Variants in PCGF6 observed in about 807,000 individuals in gnomAD.
PCGF6 encodes polycomb group ring finger 6.
Under a neutral mutation model 45.5 loss-of-function variants are expected in PCGF6, and 24 were observed. The ratio of observed to expected loss-of-function variants is 0.53; its 90% CI spans 0.38 to 0.74. The LOEUF (loss-of-function observed/expected upper bound fraction) is 0.74. Ranked by LOEUF, PCGF6 falls within the 30% of genes least tolerant of loss-of-function variation. The pLI is 0.00. For synonymous variants in PCGF6, 152 were observed against 162.1 expected (o/e 0.94, Z 0.47); for missense variants, 356 against 443.2 (o/e 0.80, Z 1.77).
At chr10:103,317,854 G>A (rs1478628994) in intron 8 of PCGF6, among the ~76,000 whole-genome samples, 1 of 151,616 alleles carries the variant, frequency 6.6e-6, no homozygotes, top group Non-Finnish European at 1.5e-5. Context: ...CCTCTCCTGG[G>A]TTCAAGCAAT....
chr10:103,316,443 T>C (rs1415117853), intron 8 of PCGF6, among the ~76,000 whole-genome samples: 5 of 152,214 alleles, frequency 3.3e-5, no homozygotes, highest in Admixed American at 6.6e-5. Flanking sequence ...ACATGTGTTA[T>C]CTAATCCTCA....
intron 6 of PCGF6, among the ~76,000 whole-genome samples, chr10:103,340,970 C>T (rs957975662): frequency 4.6e-5 from 7 of 152,036 alleles, no homozygotes; most frequent in Admixed American, 3.9e-4. Context: ...TGGCTCACGC[C>T]TGTAATCCCA....
intron 8 of PCGF6, among the ~76,000 whole-genome samples, chr10:103,314,826 G>C (rs1227647647): frequency 2.6e-5 from 4 of 151,426 alleles, no homozygotes; most frequent in South Asian, 4.2e-4. Context: ...GGTAATCATG[G>C]TGCCTGTAAT....
intron 7 of PCGF6, among the ~76,000 whole-genome samples, chr10:103,330,379 A>G (rs1202726384): frequency 1.3e-5 from 2 of 151,992 alleles, no homozygotes; most frequent in Non-Finnish European, 2.9e-5. Flanking sequence ...CTGGACAAGC[A>G]TATATTGTTT....
intron 8 of PCGF6, among the ~76,000 whole-genome samples, chr10:103,322,817 C>T (rs2093202422): frequency 6.7e-6 from 1 of 150,122 alleles, no homozygotes; most frequent in Admixed American, 6.7e-5. Context: ...GAGCAAGACT[C>T]TGTATCACAC....
chr10:103,331,456 GCATGTTGGC>G lies in PCGF6; in HGVS notation c.810+2460_810+2468del, dbSNP rs1282565464. 2.0e-5 allele frequency among the ~76,000 whole-genome samples: 3 copies of G among 151,878 alleles called. 1 individual carries two copies. In the South Asian group the frequency reaches 6.2e-4, roughly 31 times the overall value. On this transcript the variant is annotated intron_variant, in intron 7 of 9. Coordinates refer to ENST00000369847, the MANE Select transcript of PCGF6 (RefSeq NM_001011663.2). ...TATTTTTAATAGAGATAGAGTTTTG[GCATGTTGGC>G]CAGGCTAGTCTCGAACTCCTGAACT...
At chr10:103,342,854 T>G (rs2093285874) in intron 6 of PCGF6, among the ~76,000 whole-genome samples, 1 of 152,202 alleles carries the variant, frequency 6.6e-6, no homozygotes, top group Non-Finnish European at 1.5e-5. Flanking sequence ...TCTTCTAATT[T>G]TTCCAAAGGG....
chr10:103,340,861 C>A (rs2093277996), intron 6 of PCGF6, among the ~76,000 whole-genome samples: 1 of 152,152 alleles, frequency 6.6e-6, no homozygotes, highest in Admixed American at 6.6e-5. Flanking sequence ...CCTCTGCTTT[C>A]CAAAGTGCTA....
chr10:103,330,790 G>A (rs529071938), intron 7 of PCGF6, among the ~76,000 whole-genome samples: 6 of 152,274 alleles, frequency 3.9e-5, no homozygotes, highest in Admixed American at 1.3e-4. Context: ...TTAGCTGGGC[G>A]TGGTGGGGCG....
intron 6 of PCGF6, among the ~76,000 whole-genome samples, chr10:103,336,103 G>A (rs576502203): frequency 2.2e-4 from 34 of 151,342 alleles, no homozygotes; most frequent in African/African-American, 6.8e-4. Flanking sequence ...GTGTGGTGGC[G>A]TGCACCTGTA....
intron 6 of PCGF6, among the ~76,000 whole-genome samples, chr10:103,335,384 G>A (rs1054048147): frequency 3.4e-5 from 5 of 145,216 alleles, no homozygotes; most frequent in African/African-American, 1.3e-4. Context: ...TTTTTTTTGA[G>A]ACAGAGTCTC....
chr10:103,315,574 T>C (rs2093171888), intron 8 of PCGF6, among the ~76,000 whole-genome samples: 1 of 152,176 alleles, frequency 6.6e-6, no homozygotes, highest in African/African-American at 2.4e-5. Flanking sequence ...TTAGCCAGGA[T>C]GGTCTAGATC....
intron 1 of PCGF6, among the ~76,000 whole-genome samples, chr10:103,350,018 G>A (rs1182621333): frequency 6.6e-6 from 1 of 151,872 alleles, no homozygotes; most frequent in African/African-American, 2.4e-5. Flanking sequence ...GGGAGGCGGA[G>A]GTTGCAGTGA....
rs546043587 is a variant in PCGF6 at position 103,324,812 on chromosome 10, C to T, written c.909+1722G>A. 1.8e-4 allele frequency among the ~76,000 whole-genome samples: 22 copies of T among 122,650 alleles called. No homozygotes were observed. In the East Asian group the frequency reaches 5.3e-3, roughly 29 times the overall value. The allele number at this position is 122,650 out of a possible 152,430, so 80.5% of individuals were successfully genotyped here. A position where few individuals can be genotyped will look rare whatever the true frequency, so the allele number is the denominator to read the frequency against. ...AAAAGAAAATATTACATAGCTAGAA[C>T]AGGAGATCTCTTTTAATCCATAAAA... is the stretch of plus-strand genomic sequence containing the variant. On this transcript the variant is annotated intron_variant, in intron 8 of 9. Coordinates refer to ENST00000369847, the MANE Select transcript of PCGF6 (RefSeq NM_001011663.2).
chr10:103,309,967 T>C (rs1368678757), intron 9 of PCGF6, among the ~76,000 whole-genome samples: 1 of 151,672 alleles, frequency 6.6e-6, no homozygotes. Context: ...TTTTTTTTTT[T>C]TGAGACAGAG....
intron 6 of PCGF6, among the ~76,000 whole-genome samples, chr10:103,340,725 T>TA (rs1423493307): frequency 1.3e-5 from 2 of 151,992 alleles, no homozygotes; most frequent in African/African-American, 4.8e-5. Flanking sequence ...GCCTCCCTAG[T>TA]AGATGGGACT....
intron 6 of PCGF6, among the ~76,000 whole-genome samples, chr10:103,339,808 AAAACACACAC>A (rs1409622729): frequency 0.11 from 8,196 of 77,982 alleles, 832 homozygotes; most frequent in Admixed American, 0.16. Context: ...TCTCAAAAAA[AAAACACACAC>A]ACACACACAC....
At chr10:103,306,102 CT>C (rs535887691) in intron 9 of PCGF6, among the ~76,000 whole-genome samples, 3,081 of 143,850 alleles carry the variant, frequency 0.021, 73 homozygotes, top group African/African-American at 0.064. Flanking sequence ...AGCAATCCAC[CT>C]TTTTTTTTTT....
At position 103,316,021 on chromosome 10, in the gene PCGF6, G is replaced by T. The variant is rs992707325; in HGVS notation, c.910-1749C>A. On this transcript the variant is annotated intron_variant, in intron 8 of 9. Transcript: ENST00000369847. Reference sequence around the variant, plus strand: ...ATATATATATATATATATAGAGAGAGAGAGAGAGAGAGAGAGAGAGAGATA... The same window carrying T: ...ATATATATATATATATATAGAGAGATAGAGAGAGAGAGAGAGAGAGAGATA... Among the ~76,000 whole-genome samples, 1,150 of 149,396 alleles carry T rather than the reference G, an allele frequency of 7.7e-3. 8 individuals are homozygous for T. The highest frequency in any genetic ancestry group is 0.014 in the Middle Eastern group (4 of 288).
Sources: gnomAD v4.1 joint callset for allele counts (sites outside exome capture counted in the v4.1 genomes callset) on GRCh38, gnomAD v4.1.1 for gene constraint, MANE v1.5 for transcripts, NCBI Gene and HGNC (gene_info 2026-07-23, HGNC 2026-07-21) for gene names.